The following ADGRV1 variants were observed in gnomAD, a reference collection of about 807,000 sequenced individuals.
ADGRV1 encodes adhesion G protein-coupled receptor V1.
ADGRV1 carries 359 observed loss-of-function variants against 596.2 expected under a neutral mutation model. That is an observed-to-expected ratio of 0.60 (90% CI 0.55 to 0.66). ADGRV1 has a LOEUF of 0.66. ADGRV1 is among the 30% of genes least tolerant of loss of function. The pLI is 0.00. For synonymous variants in ADGRV1, 2,681 were observed against 2,679.2 expected, an observed-to-expected ratio of 1.00 and a Z score of -0.02; for missense variants, 7,274 against 7,575.6, an observed-to-expected ratio of 0.96 and a Z score of 1.48.
intron 43 of ADGRV1, among the ~76,000 whole-genome samples, chr5:90,719,355 A>G (rs1750604193): frequency 1.4e-5 from 1 of 69,588 alleles, no homozygotes; most frequent in Admixed American, 1.6e-4. Flanking sequence ...ATAAATAAAT[A>G]AATAAATAAA....
intron 86 of ADGRV1, among the ~76,000 whole-genome samples, chr5:91,095,401 T>C (rs1790769373): frequency 6.6e-6 from 1 of 152,134 alleles, no homozygotes; most frequent in Admixed American, 6.5e-5. Flanking sequence ...GGTTTTGCCA[T>C]GTTGCTCAGG....
intron 7 of ADGRV1, 61 bp from the exon 8 acceptor site, chr5:90,628,501 C>A: frequency 7.0e-7 from 1 of 1,425,042 alleles, no homozygotes; most frequent in Non-Finnish European, 9.8e-7. Context: ...ATTGGGAAAG[C>A]TTATCTAAGG....
intron 81 of ADGRV1, among the ~76,000 whole-genome samples, chr5:90,855,368 A>G (rs188238473): frequency 2.6e-5 from 4 of 152,200 alleles, no homozygotes; most frequent in African/African-American, 4.8e-5. Flanking sequence ...GAGTAAACAC[A>G]TATCACAGCC....
intron 85 of ADGRV1, among the ~76,000 whole-genome samples, chr5:91,016,162 A>G (rs999925695): frequency 3.9e-5 from 6 of 151,918 alleles, no homozygotes; most frequent in African/African-American, 1.5e-4. Context: ...GAAGATTTTT[A>G]TATTTTTTAA....
At chr5:90,967,875 T>C (rs1023605150) in intron 84 of ADGRV1, among the ~76,000 whole-genome samples, 5 of 152,218 alleles carry the variant, frequency 3.3e-5, no homozygotes, top group African/African-American at 1.2e-4. Context: ...TAACAACTAC[T>C]GTAACTACAA....
intron 1 of ADGRV1, among the ~76,000 whole-genome samples, chr5:90,595,052 T>TAGGGGCGGCCGGGC (rs1760098744): frequency 7.1e-6 from 1 of 140,220 alleles, no homozygotes; most frequent in Non-Finnish European, 1.5e-5. Flanking sequence ...CACTTCCCAG[T>TAGGGGCGGCCGGGC]AGGGGCGGCC....
intron 21 of ADGRV1, among the ~76,000 whole-genome samples, chr5:90,667,686 T>C (rs1411259554): frequency 6.6e-6 from 1 of 152,090 alleles, no homozygotes; most frequent in African/African-American, 2.4e-5. Context: ...GGAGAGGCGC[T>C]CTGCTTTTTA....
rs1355083517 is a variant in ADGRV1 at position 90,615,008 on chromosome 5, G to T, written c.196G>T (p.Ala66Ser). The T allele has an allele frequency of 6.9e-7, 1 of 1,444,858 alleles. No individual in the cohort carries two copies. Among genetic ancestry groups the T allele is most frequent in the Non-Finnish European group, 9.2e-7 (1 of 1,089,568 alleles). 89.5% of individuals were successfully genotyped at this position (1,444,858 alleles called of 1,614,324 possible). Residue 66 changes from alanine to serine, a missense_variant, in exon 2 of 90, where the codon GCA becomes TCA. By Grantham distance (99) the Ala-to-Ser change is moderately conservative (BLOSUM62 1). This residue lies in a region of ADGRV1 where 1,715 missense variants were observed against 1,708.8 expected (regional missense o/e 1.00). Transcript: ENST00000405460. ...ERIGEPANVT[A>S]IVSLYGEDAG... ...GATAGGAGAGCCAGCAAATGTTACT[G>T]CAATTGTATCGGTAAGAAATTATTA...
chr5:90,784,123 C>T (rs1290362165), intron 67 of ADGRV1, 66 bp downstream of exon 67: 1 of 988,580 alleles, frequency 1.0e-6, no homozygotes, highest in South Asian at 1.7e-5. Context: ...AGTGTGTTTT[C>T]TCATTGCCCA....
At chr5:90,750,176 C>T (rs935610468) in intron 52 of ADGRV1, among the ~76,000 whole-genome samples, 6 of 152,192 alleles carry the variant, frequency 3.9e-5, no homozygotes, top group Non-Finnish European at 7.4e-5. Context: ...TCCCTACTCT[C>T]CTGACTCTAT....
chr5:90,712,147 C>A, intron 41 of ADGRV1, 140 bp from the exon 42 acceptor site: 1 of 526,650 alleles, frequency 1.9e-6, no homozygotes, highest in South Asian at 4.9e-5. Context: ...AGATATAAAC[C>A]AAAATATAAG....
chr5:90,675,613 C>T lies in ADGRV1; in HGVS notation c.5313+168C>T, dbSNP rs543261190. 8.6e-5 allele frequency among the ~76,000 whole-genome samples: 13 copies of T among 152,024 alleles called. No individual in the cohort carries two copies. The South Asian group carries it at 1.7e-3, about 19-fold the overall frequency. ...TGCTTGAGGCCACCAGCATGGGCAA[C>T]GTCGCAAGTCACTTTCTCTACAAAA... On this transcript the variant is annotated intron_variant, in intron 24 of 89. Coordinates refer to ENST00000405460, the MANE Select transcript of ADGRV1 (RefSeq NM_032119.4).
chr5:90,921,865 C>T (rs144435688), intron 83 of ADGRV1, among the ~76,000 whole-genome samples: 5 of 143,236 alleles, frequency 3.5e-5, no homozygotes, highest in African/African-American at 5.1e-5. Context: ...AGCACTACAA[C>T]ATGTCTTCCA....
intron 85 of ADGRV1, among the ~76,000 whole-genome samples, chr5:91,000,189 C>T (rs982857539): frequency 1.3e-5 from 2 of 151,970 alleles, no homozygotes; most frequent in Admixed American, 6.6e-5. Context: ...ATTTTATCTC[C>T]TGCTTATTTC....
chr5:90,576,334 G>C (rs1255553017), intron 1 of ADGRV1, among the ~76,000 whole-genome samples: 1 of 150,146 alleles, frequency 6.7e-6, no homozygotes, highest in Non-Finnish European at 1.5e-5. Context: ...TCATTGTTCA[G>C]TTCCCACCTA....
intron 27 of ADGRV1, 28 bp downstream of exon 27, chr5:90,681,482 A>G: frequency 6.3e-7 from 1 of 1,590,778 alleles, no homozygotes; most frequent in Non-Finnish European, 8.6e-7. Context: ...CTTCATTCCT[A>G]GACACTTTCT....
chr5:91,092,283 G>A (rs1238525753), intron 86 of ADGRV1, among the ~76,000 whole-genome samples: 2 of 152,092 alleles, frequency 1.3e-5, no homozygotes, highest in African/African-American at 4.8e-5. Flanking sequence ...AATTTTTGTA[G>A]AGATGGGGTT....
chr5:91,132,250 A>T (rs960400743), intron 87 of ADGRV1, among the ~76,000 whole-genome samples: 3 of 152,206 alleles, frequency 2.0e-5, no homozygotes, highest in African/African-American at 7.2e-5. Context: ...TATTTTAACT[A>T]TTTATATTAA....
chr5:90,905,366 A>C (rs1387862395), intron 83 of ADGRV1, among the ~76,000 whole-genome samples: 1 of 152,078 alleles, frequency 6.6e-6, no homozygotes, highest in Admixed American at 6.6e-5. Context: ...CCAATCCATG[A>C]ACATGGAATA....
Sources: allele counts gnomAD v4.1 joint callset (sites outside exome capture counted in the v4.1 genomes callset), GRCh38; gene constraint gnomAD v4.1.1; regional missense constraint gnomAD v4.1.1; transcripts MANE v1.5; gene names NCBI Gene and HGNC (gene_info 2026-07-23, HGNC 2026-07-21).